PPP2R5C: variants seen among roughly 807,000 people sequenced by gnomAD.
The protein encoded by PPP2R5C is protein phosphatase 2 regulatory subunit B'gamma, also known as serine/threonine-protein phosphatase 2A 56 kDa regulatory subunit gamma isoform.
PPP2R5C carries 7 observed loss-of-function variants against 68.9 expected under a neutral mutation model. That is an observed-to-expected ratio of 0.10 (90% CI 0.06 to 0.19). The LOEUF (loss-of-function observed/expected upper bound fraction) is 0.19. Ranked by LOEUF, PPP2R5C falls within the 10% of genes least tolerant of loss-of-function variation. The pLI, the probability that PPP2R5C is intolerant of heterozygous loss-of-function variation, is 1.00. For synonymous variants in PPP2R5C, 210 were observed against 222.2 expected (o/e 0.95, Z 0.49); for missense variants, 348 against 641.3 (o/e 0.54, Z 4.94).
Position 101,775,970 on chromosome 14 carries a change from G to A in PPP2R5C, c.94-10048G>A, listed in dbSNP as rs190086508. Among the ~76,000 whole-genome samples, 119 of 151,948 alleles carry A rather than the reference G, an allele frequency of 7.8e-4. 1 individual carries two copies. In the Middle Eastern group the frequency reaches 0.014, roughly 18 times the overall value. On this transcript the variant is annotated intron_variant, in intron 2 of 14. Transcript: ENST00000328724. ...AGGGAACGACTTCCTCTTTATTCCC[G>A]TAGCTTCCATTTGAGTGGCCGACAA...
chr14:101,884,861 C>G (rs1158039655), intron 5 of PPP2R5C, among the ~76,000 whole-genome samples: 1 of 152,252 alleles, frequency 6.6e-6, no homozygotes, highest in Non-Finnish European at 1.5e-5. Context: ...TGTCGCACGC[C>G]CCACCCCACT....
chr14:101,872,926 C>CT (rs201696085), intron 2 of PPP2R5C, among the ~76,000 whole-genome samples: 10,947 of 144,798 alleles, frequency 0.076, 503 homozygotes, highest in East Asian at 0.15. Context: ...TCTCTTAATT[C>CT]TTTTTTTTTT....
At chr14:101,886,752 G>A (rs1024589422) in intron 5 of PPP2R5C, among the ~76,000 whole-genome samples, 7 of 150,654 alleles carry the variant, frequency 4.6e-5, no homozygotes, top group Admixed American at 2.0e-4. Flanking sequence ...TTAAGGCAGG[G>A]TCTCACTCTG....
In PPP2R5C at chr14:101,781,127, G is replaced by T. The variant is rs753378462; in HGVS notation, c.94-4891G>T. On this transcript the variant is annotated intron_variant, in intron 2 of 14. Coordinates refer to the PPP2R5C transcript ENST00000328724. The surrounding 1 kb of genome is among the most constrained non-coding windows in gnomAD (Gnocchi z 6.4). ...TGCCGCCACTGGAGGAGTCTTTGCAGGTTTATGGGACATCAGAGCAGGGAG... is the reference window on the plus strand; with the variant it reads ...TGCCGCCACTGGAGGAGTCTTTGCATGTTTATGGGACATCAGAGCAGGGAG... Among the ~76,000 whole-genome samples, 1 of 152,210 alleles carries T rather than the reference G, an allele frequency of 6.6e-6. No homozygotes were observed. The highest frequency in any genetic ancestry group is 1.5e-5 in the Non-Finnish European group (1 of 68,024).
intron 3 of PPP2R5C, among the ~76,000 whole-genome samples, chr14:101,787,196 A>G (rs1566837945): frequency 6.6e-6 from 1 of 152,222 alleles, no homozygotes; most frequent in Non-Finnish European, 1.5e-5. Context: ...GCTACAGTGA[A>G]CCATGATCGT....
At chr14:101,852,106 C>T (rs2042191819) in intron 1 of PPP2R5C, among the ~76,000 whole-genome samples, 1 of 152,226 alleles carries the variant, frequency 6.6e-6, no homozygotes, top group African/African-American at 2.4e-5. Context: ...CAGCACACAC[C>T]TCCACTGCGT....
At chr14:101,783,712 C>T (rs556474964) in intron 2 of PPP2R5C, among the ~76,000 whole-genome samples, 24 of 152,290 alleles carry the variant, frequency 1.6e-4, no homozygotes, top group African/African-American at 5.5e-4. Context: ...GACCTTCCAG[C>T]GGGGGTCAGA....
At position 101,888,579 on chromosome 14, in the gene PPP2R5C, G is replaced by GTTGTTTTGTTTTGTT. The variant is rs141565253; in HGVS notation, c.630-1645_630-1631dup. 6.6e-6 allele frequency among the ~76,000 whole-genome samples: 1 copy of GTTGTTTTGTTTTGTT among 151,880 alleles called. No individual in the cohort carries two copies. Among genetic ancestry groups the GTTGTTTTGTTTTGTT allele is most frequent in the African/African-American group, 2.4e-5 (1 of 41,338 alleles). The stretch of plus-strand genomic sequence containing the variant: ...GAGCAGATCTCAGTTTTTCTGTTGT[G>GTTGTTTTGTTTTGTT]TTGTTTTGTTTTGTTTTGTTTTGTT... On this transcript the variant is annotated intron_variant, in intron 5 of 13. Coordinates refer to ENST00000334743, the Ensembl canonical transcript of PPP2R5C. The surrounding 1 kb of genome is among the most constrained non-coding windows in gnomAD (Gnocchi z 5.6).
At chr14:101,834,144 G>A (rs1385712988) in intron 1 of PPP2R5C, among the ~76,000 whole-genome samples, 1 of 152,176 alleles carries the variant, frequency 6.6e-6, no homozygotes, top group Non-Finnish European at 1.5e-5. Context: ...CCTCTGGGTG[G>A]CAAATGTGAT....
chr14:101,813,647 G>A (rs1194627273), intron 1 of PPP2R5C, among the ~76,000 whole-genome samples: 3 of 151,916 alleles, frequency 2.0e-5, no homozygotes, highest in Non-Finnish European at 2.9e-5. Context: ...GTAATGGCCA[G>A]AGAGGAAGCA....
At chr14:101,902,902 G>A (rs1001589817) in intron 9 of PPP2R5C, among the ~76,000 whole-genome samples, 1 of 152,106 alleles carries the variant, frequency 6.6e-6, no homozygotes, top group Non-Finnish European at 1.5e-5. Context: ...TCGGGTTAAA[G>A]GAAGGAACTG....
chr14:101,862,377 A>G (rs2042797419), intron 2 of PPP2R5C, among the ~76,000 whole-genome samples: 1 of 152,216 alleles, frequency 6.6e-6, no homozygotes, highest in African/African-American at 2.4e-5. Context: ...AACTCAATGA[A>G]CAAGTATTTT....
At position 101,781,165 on chromosome 14, in the gene PPP2R5C, C is replaced by T. The variant is rs1050151225; in HGVS notation, c.94-4853C>T. 6.6e-6 allele frequency among the ~76,000 whole-genome samples: 1 copy of T among 152,176 alleles called. No homozygotes were observed. Among genetic ancestry groups the T allele is most frequent in the South Asian group, 2.1e-4 (1 of 4,830 alleles). The stretch of plus-strand genomic sequence containing the variant: ...TCAGAGCAGGGAGGGAGCCGGGTGT[C>T]GGGGCTGCGGCAGGGTCCCCACCGG... On this transcript the variant is annotated intron_variant, in intron 2 of 14. Coordinates refer to the PPP2R5C transcript ENST00000328724. The surrounding 1 kb of genome is among the most constrained non-coding windows in gnomAD (Gnocchi z 6.4).
At chr14:101,896,570 C>CA in intron 8 of PPP2R5C, among the ~76,000 whole-genome samples, 1 of 120,914 alleles carries the variant, frequency 8.3e-6, no homozygotes, top group South Asian at 2.6e-4. Context: ...CCCATCTCTA[C>CA]AAAAAATACA....
intron 1 of PPP2R5C, chr14:101,818,934 G>A: frequency 7.5e-7 from 1 of 1,325,388 alleles, no homozygotes; most frequent in Non-Finnish European, 1.1e-6. Flanking sequence ...CATGAGCAAT[G>A]TGTTCTAATT....
intron 1 of PPP2R5C, among the ~76,000 whole-genome samples, chr14:101,822,869 T>C (rs1373414868): frequency 6.6e-6 from 1 of 152,260 alleles, no homozygotes; most frequent in East Asian, 1.9e-4. Flanking sequence ...TAAATTATAC[T>C]GCCTACATAG....
In PPP2R5C at chr14:101,837,636, G is replaced by T. The variant is rs565230049; in HGVS notation, c.95-19050G>T. On this transcript the variant is annotated intron_variant, in intron 1 of 13. Transcript: ENST00000334743. ...GGCAGAGAAGAGCTTCGTCGCTCAA[G>T]CAAAACTTCCATGGAGGCGAGGACT... Among the ~76,000 whole-genome samples, 3 of 152,178 alleles carry T rather than the reference G, an allele frequency of 2.0e-5. No homozygotes were observed. In the South Asian group the frequency reaches 6.2e-4, roughly 31 times the overall value.
rs548315801 is a variant in PPP2R5C at position 101,873,575 on chromosome 14, C to G, written c.295-8586C>G. ...TGGGAACAGACACTGTTCCCAGCCC[C>G]GAACAAGTACTGGGTTCTCACTAAT... is the stretch of plus-strand genomic sequence containing the variant. On this transcript the variant is annotated intron_variant, in intron 2 of 13. Coordinates refer to ENST00000334743, the Ensembl canonical transcript of PPP2R5C. Among the ~76,000 whole-genome samples, 7 of 152,196 alleles carry G rather than the reference C, an allele frequency of 4.6e-5. No individual in the cohort carries two copies. The East Asian group carries it at 1.4e-3, about 29-fold the overall frequency.
rs2037672047 is a variant in PPP2R5C at position 101,781,273 on chromosome 14, C to T, written c.94-4745C>T. On this transcript the variant is annotated intron_variant, in intron 2 of 14. Transcript: ENST00000328724. The surrounding 1 kb of genome is among the most constrained non-coding windows in gnomAD (Gnocchi z 6.4). ...GCTTGTTTACAGCTGCCGTATTTCC[C>T]GGGACCCTGGCTTCTGTCCTCAGGG... 6.6e-6 allele frequency among the ~76,000 whole-genome samples: 1 copy of T among 152,180 alleles called. No individual in the cohort carries two copies. The highest frequency in any genetic ancestry group is 1.5e-5 in the Non-Finnish European group (1 of 68,012).
Sources: allele counts gnomAD v4.1 joint callset (sites outside exome capture counted in the v4.1 genomes callset), GRCh38; gene constraint gnomAD v4.1.1; non-coding constraint Gnocchi (gnomAD v3.1); transcripts MANE v1.5; gene names NCBI Gene and HGNC (gene_info 2026-07-23, HGNC 2026-07-21).